KIF26B: variants seen among roughly 807,000 people sequenced by gnomAD.
KIF26B encodes the protein kinesin-like protein KIF26B.
A neutral mutation model predicts 151.2 loss-of-function variants in KIF26B; 63 were observed. The observed-to-expected ratio is 0.42, with a 90% CI of 0.34 to 0.51. The LOEUF is 0.51. Among genes scored for constraint, KIF26B ranks in the 20% least tolerant of loss-of-function variants. The probability of loss-of-function intolerance (pLI) is 0.07; values close to 1 mark genes in which losing one functional copy is unlikely to be tolerated. For missense variants in KIF26B, 2,813 were observed against 2,913.6 expected (o/e 0.97, Z 0.79); for synonymous variants, 1,357 against 1,262.1 (o/e 1.08, Z -1.59).
chr1:245,387,093 T>C (rs1217427958), intron 3 of KIF26B, among the ~76,000 whole-genome samples: 1 of 152,172 alleles, frequency 6.6e-6, no homozygotes, highest in African/African-American at 2.4e-5. Context: ...CAGAAACAAG[T>C]ACTAAATGTT....
At chr1:245,681,560 G>A (rs1214986944) in intron 10 of KIF26B, among the ~76,000 whole-genome samples, 2 of 152,166 alleles carry the variant, frequency 1.3e-5, no homozygotes, top group Non-Finnish European at 1.5e-5. Flanking sequence ...TGGAGATACA[G>A]GGGGATGCGC....
intron 10 of KIF26B, among the ~76,000 whole-genome samples, chr1:245,658,472 C>T (rs936809355): frequency 3.3e-5 from 5 of 152,174 alleles, no homozygotes; most frequent in Non-Finnish European, 4.4e-5. Flanking sequence ...CAACAAGGCT[C>T]GCTGCACTCC....
chr1:245,183,739 C>T (rs916869152), intron 2 of KIF26B, among the ~76,000 whole-genome samples: 1 of 152,102 alleles, frequency 6.6e-6, no homozygotes, highest in Non-Finnish European at 1.5e-5. Context: ...GTGAGATGGA[C>T]TCCAGGGCCT....
intron 2 of KIF26B, among the ~76,000 whole-genome samples, chr1:245,291,203 A>C (rs1482058310): frequency 1.3e-5 from 2 of 152,174 alleles, no homozygotes. Flanking sequence ...TCCTGACTTA[A>C]AGGGAAGGAA....
chr1:245,646,451 A>C (rs2043948340), intron 10 of KIF26B, among the ~76,000 whole-genome samples, 171 bp downstream of exon 10: 1 of 152,184 alleles, frequency 6.6e-6, no homozygotes, highest in Non-Finnish European at 1.5e-5. Flanking sequence ...GATCTCCCAA[A>C]TTCAAAACTT....
chr1:245,333,787 C>T lies in KIF26B; in HGVS notation c.466-33047C>T, dbSNP rs185866543. ...CCGATGCCAGCGGATCACTTGGGGT[C>T]AGGAGTTTGAGACCAGCCTGGCCAA... On this transcript the variant is annotated intron_variant, in intron 2 of 14. Coordinates refer to ENST00000407071, the MANE Select transcript of KIF26B (RefSeq NM_018012.4). 2.6e-4 allele frequency among the ~76,000 whole-genome samples: 40 copies of T among 152,250 alleles called. 1 individual carries two copies. The highest frequency in any genetic ancestry group is 8.8e-5 in the Non-Finnish European group (6 of 68,030).
At chr1:245,159,221 T>C (rs548998638) in intron 2 of KIF26B, among the ~76,000 whole-genome samples, 2 of 152,330 alleles carry the variant, frequency 1.3e-5, no homozygotes, top group African/African-American at 2.4e-5. Context: ...CTTAAGATGC[T>C]TACCTGCATT....
intron 10 of KIF26B, among the ~76,000 whole-genome samples, chr1:245,668,971 C>T (rs1176139408): frequency 6.6e-6 from 1 of 152,188 alleles, no homozygotes; most frequent in East Asian, 1.9e-4. Flanking sequence ...GGATTACAGG[C>T]ATGAGCCACT....
chr1:245,414,607 A>G (rs1002614538), intron 3 of KIF26B, among the ~76,000 whole-genome samples: 4 of 152,166 alleles, frequency 2.6e-5, no homozygotes, highest in African/African-American at 9.7e-5. Context: ...ACGTATGGGA[A>G]CTGAGAAAGG....
intron 4 of KIF26B, among the ~76,000 whole-genome samples, chr1:245,493,727 T>C (rs970335764): frequency 6.6e-6 from 1 of 151,984 alleles, no homozygotes; most frequent in Admixed American, 6.6e-5. Context: ...CTATAGAGAG[T>C]GGAGAAGGTG....
chr1:245,413,170 T>C (rs1168746608), intron 3 of KIF26B, among the ~76,000 whole-genome samples: 1 of 152,242 alleles, frequency 6.6e-6, no homozygotes, highest in Non-Finnish European at 1.5e-5. Context: ...TTTCGGCCAC[T>C]GCTTTTAGAC....
intron 4 of KIF26B, among the ~76,000 whole-genome samples, chr1:245,479,911 G>A (rs768522417): frequency 2.0e-5 from 3 of 151,702 alleles, no homozygotes; most frequent in Non-Finnish European, 3.0e-5. Context: ...ACTAGGATTC[G>A]TGGATAAGGA....
chr1:245,226,427 C>T (rs1013578720), intron 2 of KIF26B, among the ~76,000 whole-genome samples: 2 of 152,000 alleles, frequency 1.3e-5, no homozygotes, highest in Non-Finnish European at 2.9e-5. Context: ...CATCTCAGCC[C>T]TCAGTCTGTA....
intron 2 of KIF26B, among the ~76,000 whole-genome samples, chr1:245,173,223 T>TG (rs1668743356): frequency 1.3e-5 from 2 of 152,192 alleles, no homozygotes; most frequent in South Asian, 4.1e-4. Flanking sequence ...GAAAGTAGGA[T>TG]GGTGGTTACC....
intron 2 of KIF26B, among the ~76,000 whole-genome samples, chr1:245,361,036 A>G (rs964462440): frequency 9.9e-5 from 15 of 152,216 alleles, no homozygotes; most frequent in African/African-American, 3.4e-4. Flanking sequence ...GGTTGTGACG[A>G]GAAATGCCTC....
At chr1:245,201,161 C>T (rs1053837217) in intron 2 of KIF26B, among the ~76,000 whole-genome samples, 1 of 152,184 alleles carries the variant, frequency 6.6e-6, no homozygotes, top group African/African-American at 2.4e-5. Context: ...GACCACCTCC[C>T]TGGGTTAAAT....
At chr1:245,338,146 A>C (rs1672271524) in intron 2 of KIF26B, among the ~76,000 whole-genome samples, 1 of 152,196 alleles carries the variant, frequency 6.6e-6, no homozygotes, top group Non-Finnish European at 1.5e-5. Context: ...GAATCATCAA[A>C]AGCTTGAATT....
In KIF26B at chr1:245,686,211, C is replaced by T; in HGVS notation, c.3228C>T (p.Thr1076=). 6.2e-7 allele frequency: 1 copy of T among 1,612,704 alleles called. No homozygotes were observed. Among genetic ancestry groups the T allele is most frequent in the Non-Finnish European group, 8.5e-7 (1 of 1,179,904 alleles). The change falls in exon 12 of 15, where the codon ACC becomes ACT. Residue 1076 remains threonine, a synonymous_variant. Coordinates refer to ENST00000407071, the MANE Select transcript of KIF26B (RefSeq NM_018012.4). This position sits in a 1 kb window ranked among gnomAD's most constrained non-coding sequence, Gnocchi z 5.6. ...PRLGIASLSK[T]SEYKPPSSPS... is the part of the protein sequence containing the mutation. ...TGGGCATCGCCAGCCTGTCCAAGACCTCGGAGTACAAGCCACCCAGCTCTC... is the reference window on the plus strand; with the variant it reads ...TGGGCATCGCCAGCCTGTCCAAGACTTCGGAGTACAAGCCACCCAGCTCTC...
chr1:245,680,530 A>G (rs1436046358), intron 10 of KIF26B, among the ~76,000 whole-genome samples: 1 of 152,170 alleles, frequency 6.6e-6, no homozygotes, highest in Admixed American at 6.5e-5. Flanking sequence ...TCGCGGAAAT[A>G]CACAGGGCAG....
Sources: gnomAD v4.1 joint callset for allele counts (sites outside exome capture counted in the v4.1 genomes callset) on GRCh38, gnomAD v4.1.1 for gene constraint, Gnocchi (gnomAD v3.1) non-coding constraint, MANE v1.5 for transcripts, NCBI Gene and HGNC (gene_info 2026-07-23, HGNC 2026-07-21) for gene names.